The following ME1 variants were observed in gnomAD, a reference collection of about 807,000 sequenced individuals.
ME1 encodes malic enzyme 1.
A neutral mutation model predicts 66.4 loss-of-function variants in ME1; 74 were observed. The ratio of observed to expected loss-of-function variants is 1.11; its 90% CI spans 0.92 to 1.35. ME1 has a LOEUF of 1.35. Ranked by LOEUF, ME1 falls within the 40% of genes most tolerant of loss-of-function variation. ME1 has a pLI of 0.00. For missense variants in ME1, 750 were observed against 694.1 expected (o/e 1.08, Z -0.90); for synonymous variants, 251 against 235.6 (o/e 1.07, Z -0.60).
chr6:83,346,534 A>C (rs1768690241), intron 4 of ME1, among the ~76,000 whole-genome samples, 200 bp from the exon 5 acceptor site: 1 of 152,230 alleles, frequency 6.6e-6, no homozygotes, highest in African/African-American at 2.4e-5. Context: ...AAATATGCTT[A>C]ATTAGGTTAT....
chr6:83,231,878 T>C (rs910901326), intron 9 of ME1, among the ~76,000 whole-genome samples: 2 of 152,122 alleles, frequency 1.3e-5, no homozygotes, highest in African/African-American at 4.8e-5. Flanking sequence ...ACCTCAAACA[T>C]ATTATGGATA....
intron 3 of ME1, among the ~76,000 whole-genome samples, chr6:83,355,058 T>C (rs1447859595): frequency 1.3e-5 from 2 of 152,246 alleles, no homozygotes; most frequent in Non-Finnish European, 2.9e-5. Flanking sequence ...CTGTTTCATA[T>C]GAATGTATTT....
intron 7 of ME1, among the ~76,000 whole-genome samples, chr6:83,249,460 C>T (rs1012560994): frequency 6.6e-6 from 1 of 152,134 alleles, no homozygotes; most frequent in African/African-American, 2.4e-5. Context: ...CTCCTGACTT[C>T]GTGATCCGCC....
At chr6:83,224,753 A>G (rs1319084322) in intron 11 of ME1, among the ~76,000 whole-genome samples, 1 of 151,292 alleles carries the variant, frequency 6.6e-6, no homozygotes, top group African/African-American at 2.4e-5. Context: ...TATGTGGAGA[A>G]TCACATAGGA....
intron 3 of ME1, among the ~76,000 whole-genome samples, chr6:83,375,318 G>A (rs959612410): frequency 6.6e-6 from 1 of 152,108 alleles, no homozygotes; most frequent in Non-Finnish European, 1.5e-5. Flanking sequence ...CGCATCCCTT[G>A]TTAGCTGTAT....
At chr6:83,244,342 A>G (rs1790576199) in intron 7 of ME1, among the ~76,000 whole-genome samples, 1 of 152,112 alleles carries the variant, frequency 6.6e-6, no homozygotes, top group Non-Finnish European at 1.5e-5. Context: ...CATAAAACAC[A>G]TGTGAAACTG....
At chr6:83,388,759 G>C (rs966024284) in intron 3 of ME1, among the ~76,000 whole-genome samples, 1 of 152,062 alleles carries the variant, frequency 6.6e-6, no homozygotes, top group Non-Finnish European at 1.5e-5. Flanking sequence ...CTTTTAAAAA[G>C]ACTATCACCA....
At chr6:83,349,098 T>C (rs1768749068) in intron 4 of ME1, among the ~76,000 whole-genome samples, 1 of 151,426 alleles carries the variant, frequency 6.6e-6, no homozygotes, top group Non-Finnish European at 1.5e-5. Flanking sequence ...TTTAATAATA[T>C]ACATATACAT....
chr6:83,247,673 T>C (rs971414584), intron 7 of ME1, among the ~76,000 whole-genome samples: 6 of 152,084 alleles, frequency 3.9e-5, no homozygotes, highest in Non-Finnish European at 8.8e-5. Flanking sequence ...ATTACATCTG[T>C]GGGCATAATG....
At chr6:83,334,662 AC>A (rs1768492424) in intron 5 of ME1, among the ~76,000 whole-genome samples, 1 of 43,964 alleles carries the variant, frequency 2.3e-5, no homozygotes. Context: ...CTGACCCCTG[AC>A]CCCCGAGCAA....
chr6:83,405,352 A>G (rs1201756037), intron 2 of ME1, among the ~76,000 whole-genome samples: 1 of 152,126 alleles, frequency 6.6e-6, no homozygotes, highest in East Asian at 1.9e-4. Flanking sequence ...TTGCACATTG[A>G]TTTGATATCC....
chr6:83,271,359 T>C (rs1767079276), intron 6 of ME1, among the ~76,000 whole-genome samples: 1 of 152,196 alleles, frequency 6.6e-6, no homozygotes, highest in Non-Finnish European at 1.5e-5. Flanking sequence ...AAGAGCTGTG[T>C]GGCAGTTTAA....
chr6:83,225,343 G>C (rs1053666662), intron 11 of ME1, among the ~76,000 whole-genome samples: 1 of 151,710 alleles, frequency 6.6e-6, no homozygotes, highest in Non-Finnish European at 1.5e-5. Context: ...TTCAAAGTAG[G>C]AATCAGAAAC....
At chr6:83,428,273 G>A (rs568653681) in intron 1 of ME1, among the ~76,000 whole-genome samples, 10 of 152,162 alleles carry the variant, frequency 6.6e-5, no homozygotes, top group Non-Finnish European at 1.5e-4. Context: ...GGAGAAGACT[G>A]TAAACCCAAT....
At chr6:83,328,138 A>G (rs1768337952) in intron 5 of ME1, among the ~76,000 whole-genome samples, 1 of 152,258 alleles carries the variant, frequency 6.6e-6, no homozygotes, top group African/African-American at 2.4e-5. Context: ...ATGTAGCCAT[A>G]TAAAAGAATG....
At chr6:83,387,125 C>T (rs1769522602) in intron 3 of ME1, among the ~76,000 whole-genome samples, 1 of 152,066 alleles carries the variant, frequency 6.6e-6, no homozygotes, top group Admixed American at 6.6e-5. Context: ...GCTCATTTTA[C>T]AATCACTGAG....
chr6:83,376,654 T>A (rs1017680856), intron 3 of ME1, among the ~76,000 whole-genome samples: 6 of 147,012 alleles, frequency 4.1e-5, no homozygotes, highest in East Asian at 4.1e-4. Flanking sequence ...AAAAAAAAAA[T>A]TAGCTGGGTG....
chr6:83,315,855 C>T (rs1424467533), intron 5 of ME1, among the ~76,000 whole-genome samples: 2 of 152,022 alleles, frequency 1.3e-5, no homozygotes, highest in African/African-American at 2.4e-5. Flanking sequence ...CAAGATCGCA[C>T]CACTGCACTC....
At chr6:83,359,055 G>C (rs1768954683) in intron 3 of ME1, among the ~76,000 whole-genome samples, 1 of 151,718 alleles carries the variant, frequency 6.6e-6, no homozygotes, top group South Asian at 2.1e-4. Flanking sequence ...TGGGCAGCTG[G>C]GCAGAGGGGC....
Sources: gnomAD v4.1 joint callset for allele counts (sites outside exome capture counted in the v4.1 genomes callset) on GRCh38, gnomAD v4.1.1 for gene constraint, MANE v1.5 for transcripts, NCBI Gene and HGNC (gene_info 2026-07-23, HGNC 2026-07-21) for gene names.